The following TBC1D1 variants were observed in gnomAD, a reference collection of about 807,000 sequenced individuals.
TBC1D1 encodes TBC1 (tre-2/USP6, BUB2, cdc16) domain family, member 1.
TBC1D1 carries 89 observed loss-of-function variants against 125.6 expected under a neutral mutation model. The ratio of observed to expected loss-of-function variants is 0.71; its 90% confidence interval spans 0.60 to 0.85. The LOEUF (loss-of-function observed/expected upper bound fraction) is 0.85. Ranked by LOEUF, TBC1D1 falls within the 40% of genes least tolerant of loss-of-function variation. The pLI, the probability that TBC1D1 is intolerant of heterozygous loss-of-function variation, is 0.00. For synonymous variants in TBC1D1, 565 were observed against 564.1 expected, an observed-to-expected ratio of 1.00 and a Z score of -0.02; for missense variants, 1,377 against 1,469.2, an observed-to-expected ratio of 0.94 and a Z score of 1.03.
chr4:38,034,716 A>G (rs1353307544), intron 7 of TBC1D1, among the ~76,000 whole-genome samples: 5 of 152,254 alleles, frequency 3.3e-5, no homozygotes, highest in South Asian at 4.1e-4. Flanking sequence ...GGAACAGGCA[A>G]TGGATACTTG....
intron 17 of TBC1D1, among the ~76,000 whole-genome samples, chr4:38,123,221 C>CA (rs1240989686): frequency 6.6e-6 from 1 of 151,358 alleles, no homozygotes; most frequent in Non-Finnish European, 1.5e-5. Context: ...AGGATCCCTG[C>CA]AAAAAAGGTC....
chr4:38,095,915 A>G lies in TBC1D1; in HGVS notation c.2237-14A>G. ...GTAGCCTTTACTAATGCGCTCTGGA[A>G]TGGTCTATTCCAGCCTCTGAAAATG... On this transcript the variant is annotated splice_polypyrimidine_tract_variant and intron_variant, in intron 13 of 19. Coordinates refer to ENST00000261439, the MANE Select transcript of TBC1D1 (RefSeq NM_015173.4). The G allele has an allele frequency of 6.2e-7, 1 of 1,606,978 alleles. No individual in the cohort carries two copies. The highest frequency in any genetic ancestry group is 8.5e-7 in the Non-Finnish European group (1 of 1,177,180).
chr4:37,930,284 G>A (rs1722998984), intron 2 of TBC1D1, among the ~76,000 whole-genome samples: 1 of 152,142 alleles, frequency 6.6e-6, no homozygotes, highest in African/African-American at 2.4e-5. Context: ...TAAATTTCAA[G>A]GTGAGTAAGA....
intron 2 of TBC1D1, among the ~76,000 whole-genome samples, chr4:37,921,654 G>A (rs1577865710): frequency 6.6e-6 from 1 of 151,408 alleles, no homozygotes; most frequent in African/African-American, 2.4e-5. Flanking sequence ...CTCATGATCC[G>A]CCTGCCTCAG....
At position 38,137,629 on chromosome 4, in the gene TBC1D1, T is replaced by C. The variant is rs1766864070; in HGVS notation, c.*294T>C. 6.0e-6 allele frequency: 2 copies of C among 332,532 alleles called. No individual in the cohort carries two copies. The highest frequency in any genetic ancestry group is 4.6e-5 in the East Asian group (1 of 21,632). 20.6% of individuals were successfully genotyped at this position (332,532 alleles called of 1,614,324 possible). On this transcript the variant is annotated 3_prime_UTR_variant, in exon 20 of 20. Coordinates refer to ENST00000261439, the MANE Select transcript of TBC1D1 (RefSeq NM_015173.4). ...ATGCAACTTATGTTTTCTTGTTGGT[T>C]CCTTTTTGAGTGTCACTGTGTTTGT...
Position 37,902,432 on chromosome 4 carries a change from T to C in TBC1D1, c.337T>C (p.Tyr113His), listed in dbSNP as rs1203219293. ...GATTCACAACAGTCATGACCCAAGT[T>C]ACTTTGCTTGTCTGATTAAGGAAGA... Residue 113 changes from tyrosine to histidine, a missense_variant, in exon 2 of 20, where the codon TAC becomes CAC. Physicochemically the swap from Tyr to His is moderately conservative, Grantham distance 83. Around this residue, in one of 3 missense-constraint regions of TBC1D1, gnomAD observed 822 missense variants for 824.6 expected, o/e 1.00. Transcript: ENST00000261439. 6.2e-7 allele frequency: 1 copy of C among 1,614,180 alleles called. No homozygotes were observed. Among genetic ancestry groups the C allele is most frequent in the African/African-American group, 1.3e-5 (1 of 75,054 alleles).
chr4:38,006,524 G>T (rs1292796365), intron 2 of TBC1D1, among the ~76,000 whole-genome samples: 4 of 144,788 alleles, frequency 2.8e-5, no homozygotes, highest in Non-Finnish European at 4.5e-5. Context: ...TGTCACCCAG[G>T]CTGGAGTGCA....
At chr4:38,125,219 C>T (rs1168764090) in intron 18 of TBC1D1, 88 bp downstream of exon 20, 4 of 1,348,638 alleles carry the variant, frequency 3.0e-6, no homozygotes, top group Non-Finnish European at 4.1e-6. Flanking sequence ...CTGTTTCCTA[C>T]CACTTTGTGT....
intron 2 of TBC1D1, among the ~76,000 whole-genome samples, chr4:37,939,890 T>A (rs1339771955): frequency 6.6e-6 from 1 of 152,246 alleles, no homozygotes; most frequent in Non-Finnish European, 1.5e-5. Flanking sequence ...ATAGCTCTGT[T>A]TTGGTACCAG....
At chr4:38,081,270 G>T (rs891458806) in intron 12 of TBC1D1, among the ~76,000 whole-genome samples, 2 of 152,142 alleles carry the variant, frequency 1.3e-5, no homozygotes, top group African/African-American at 4.8e-5. Flanking sequence ...CACAGAGGAG[G>T]CGTCTGGGGT....
At chr4:37,908,839 G>A (rs1304523215) in intron 2 of TBC1D1, among the ~76,000 whole-genome samples, 1 of 152,216 alleles carries the variant, frequency 6.6e-6, no homozygotes, top group African/African-American at 2.4e-5. Flanking sequence ...GTGGAGCGGG[G>A]GAGAGTGAAA....
At chr4:37,960,870 C>T (rs753502689) in intron 2 of TBC1D1, 7 of 1,614,056 alleles carry the variant, frequency 4.3e-6, no homozygotes, top group African/African-American at 2.7e-5. Flanking sequence ...TGGAGTGCCT[C>T]TCATGATCCT....
At chr4:38,045,928 C>T in intron 10 of TBC1D1, 25 bp downstream of exon 10, 1 of 1,592,322 alleles carries the variant, frequency 6.3e-7, no homozygotes, top group Non-Finnish European at 8.6e-7. Flanking sequence ...CTTTATACGA[C>T]ACCCTGAAGA....
intron 8 of TBC1D1, among the ~76,000 whole-genome samples, chr4:38,041,096 ACAAAG>A (rs1162537413): frequency 6.6e-6 from 1 of 152,196 alleles, no homozygotes; most frequent in African/African-American, 2.4e-5. Flanking sequence ...GGATAATTGG[ACAAAG>A]CTGAATGTCG....
rs191169575 is a variant in TBC1D1, at chr4:37,897,408, T to C, written c.-93-4595T>C. On this transcript the variant is annotated intron_variant, in intron 1 of 19. Coordinates refer to ENST00000261439, the MANE Select transcript of TBC1D1 (RefSeq NM_015173.4). ...AATCTGAATTGCTTATAAATAATTA[T>C]GGCTATGTTGGATGTAGAACTTATT... Among the ~76,000 whole-genome samples the C allele has an allele frequency of 7.9e-5, 12 of 152,358 alleles. No individual in the cohort carries two copies. The East Asian group carries it at 2.3e-3, about 29-fold the overall frequency.
chr4:38,027,405 T>A (rs917302736), intron 6 of TBC1D1, among the ~76,000 whole-genome samples: 3 of 152,208 alleles, frequency 2.0e-5, no homozygotes, highest in African/African-American at 4.8e-5. Context: ...GGCGTGTTGC[T>A]TGAGCTCAAG....
chr4:38,022,195 CAAAG>C (rs1352412495), intron 6 of TBC1D1, among the ~76,000 whole-genome samples: 7 of 152,100 alleles, frequency 4.6e-5, no homozygotes, highest in Non-Finnish European at 8.8e-5. Flanking sequence ...GGGAAGAAAT[CAAAG>C]AAACGGTGAC....
At chr4:37,963,787 T>TAATAA (rs1730525097) in intron 2 of TBC1D1, among the ~76,000 whole-genome samples, 2 of 152,242 alleles carry the variant, frequency 1.3e-5, no homozygotes, top group Non-Finnish European at 2.9e-5. Context: ...TTTAAGATCC[T>TAATAA]AAGAAACAAG....
chr4:38,038,000 A>C (rs1747552347), intron 8 of TBC1D1, among the ~76,000 whole-genome samples: 1 of 152,234 alleles, frequency 6.6e-6, no homozygotes, highest in South Asian at 2.1e-4. Context: ...GCTGCCACTT[A>C]CTGAATGTTT....
Sources: allele counts gnomAD v4.1 joint callset (sites outside exome capture counted in the v4.1 genomes callset), GRCh38; gene constraint gnomAD v4.1.1; regional missense constraint gnomAD v4.1.1; transcripts MANE v1.5; gene names NCBI Gene and HGNC (gene_info 2026-07-23, HGNC 2026-07-21).